The following RNF115 variants were observed in gnomAD, a reference collection of about 807,000 sequenced individuals.
The protein encoded by RNF115 is E3 ubiquitin-protein ligase RNF115.
A neutral mutation model predicts 39.2 loss-of-function variants in RNF115; 31 were observed. The ratio of observed to expected loss-of-function variants is 0.79; its 90% CI spans 0.59 to 1.07. The LOEUF (loss-of-function observed/expected upper bound fraction) is 1.07. Among genes scored for constraint, RNF115 ranks in the 50% least tolerant of loss-of-function variants. The probability of loss-of-function intolerance (pLI) is 0.00; values close to 1 mark genes in which losing one functional copy is unlikely to be tolerated. For synonymous variants in RNF115, 124 were observed against 131.0 expected, an observed-to-expected ratio of 0.95 and a Z score of 0.37; for missense variants, 384 against 381.7, an observed-to-expected ratio of 1.01 and a Z score of -0.05.
chr1:145,793,139 T>TG (rs1648754861), intron 1 of RNF115, among the ~76,000 whole-genome samples: 1 of 152,168 alleles, frequency 6.6e-6, no homozygotes, highest in African/African-American at 2.4e-5. Context: ...GGCAACATAG[T>TG]GAGACCTTGT....
chr1:145,762,030 C>A (rs587717522), intron 4 of RNF115, among the ~76,000 whole-genome samples: 5 of 152,290 alleles, frequency 3.3e-5, no homozygotes, highest in African/African-American at 1.2e-4. Flanking sequence ...ATGCATGGGA[C>A]CTGTAACCCC....
Position 145,748,045 on chromosome 1 carries a change from G to A in RNF115, c.733C>T (p.Pro245Ser), listed in dbSNP as rs1553711991. ...YTVEEEVRQL[P>S]CNHFFHSSCI... ...CTGCTGTGAAAGAAGTGATTGCAAG[G>A]TAACTGCCGGACTTCCTCTTCAACT... is the stretch of plus-strand genomic sequence containing the variant. The change falls in exon 8 of 9, where the codon CCT (proline) becomes TCT (serine). Residue 245 changes from proline (P) to serine (S), a missense_variant. Pro to Ser is a moderately conservative substitution (Grantham distance 74). Transcript: ENST00000582693. 6.2e-7 allele frequency: 1 copy of A among 1,613,900 alleles called. No individual in the cohort carries two copies. The highest frequency in any genetic ancestry group is 1.1e-5 in the South Asian group (1 of 91,074).
intron 1 of RNF115, among the ~76,000 whole-genome samples, chr1:145,791,686 C>G (rs1466062049): frequency 6.6e-6 from 1 of 152,080 alleles, no homozygotes; most frequent in Non-Finnish European, 1.5e-5. Context: ...TTCAAATAAC[C>G]AAAACAATTC....
chr1:145,752,398 A>G (rs1373628467), intron 5 of RNF115, among the ~76,000 whole-genome samples: 1 of 152,026 alleles, frequency 6.6e-6, no homozygotes, highest in Non-Finnish European at 1.5e-5. Flanking sequence ...CTCTACCTCA[A>G]TACAACTCTC....
chr1:145,820,375 G>A (rs1471329223), intron 1 of RNF115, among the ~76,000 whole-genome samples: 3 of 151,798 alleles, frequency 2.0e-5, no homozygotes, highest in African/African-American at 4.8e-5. Flanking sequence ...TATAGTGGGA[G>A]GACACATTGA....
rs587770998 is a variant in RNF115 at position 145,789,812 on chromosome 1, T to A, written c.103-846A>T. 2.0e-5 allele frequency among the ~76,000 whole-genome samples: 3 copies of A among 149,526 alleles called. No homozygotes were observed. In the South Asian group the frequency reaches 6.3e-4, roughly 32 times the overall value. On this transcript the variant is annotated intron_variant, in intron 1 of 8. Transcript: ENST00000582693. ...GCAACCTCCACCTCCTGGGTTTAAG[T>A]GATTCTCCTGCCTCAGCCTCCCAGG...
chr1:145,803,233 A>G (rs1301558658), intron 1 of RNF115, among the ~76,000 whole-genome samples: 1 of 143,978 alleles, frequency 6.9e-6, no homozygotes. Flanking sequence ...AGTTTACTAA[A>G]AAGGAAAACA....
At chr1:145,776,159 C>A (rs942300595) in intron 3 of RNF115, among the ~76,000 whole-genome samples, 10 of 141,980 alleles carry the variant, frequency 7.0e-5, no homozygotes, top group African/African-American at 2.7e-4. Context: ...CCTACTCTGA[C>A]CAACATTTTT....
chr1:145,747,133 C>T, intron 8 of RNF115, 136 bp from the exon 9 acceptor site: 2 of 867,000 alleles, frequency 2.3e-6, no homozygotes. Context: ...AATGCATCCT[C>T]ATAGAGCATG....
At chr1:145,795,855 A>C (rs782330886) in intron 1 of RNF115, among the ~76,000 whole-genome samples, 1 of 152,204 alleles carries the variant, frequency 6.6e-6, no homozygotes, top group Non-Finnish European at 1.5e-5. Flanking sequence ...ATTATTCTTG[A>C]TAAAAGTAGC....
intron 1 of RNF115, among the ~76,000 whole-genome samples, chr1:145,812,537 A>G (rs1649776832): frequency 6.6e-6 from 1 of 151,590 alleles, no homozygotes. Flanking sequence ...GCGCACACCC[A>G]TAATCTCAGT....
intron 1 of RNF115, among the ~76,000 whole-genome samples, chr1:145,822,253 G>A (rs1380405084): frequency 9.4e-4 from 143 of 151,564 alleles, no homozygotes; most frequent in African/African-American, 3.0e-3. Context: ...TCTTGAACCC[G>A]GCAGGTGGAG....
chr1:145,778,293 C>T (rs77421845), intron 3 of RNF115, among the ~76,000 whole-genome samples: 3,537 of 152,172 alleles, frequency 0.023, 51 homozygotes, highest in Non-Finnish European at 0.035. Context: ...TCCATAGAGA[C>T]AGAAAATAGA....
intron 3 of RNF115, among the ~76,000 whole-genome samples, chr1:145,774,221 A>G (rs1316512631): frequency 6.6e-6 from 1 of 151,640 alleles, no homozygotes; most frequent in African/African-American, 2.4e-5. Context: ...GCTTTCCCTG[A>G]TACGAATATA....
chr1:145,754,351 G>GTTTT (rs57910583), intron 4 of RNF115, among the ~76,000 whole-genome samples: 1 of 150,444 alleles, frequency 6.6e-6, no homozygotes, highest in Non-Finnish European at 1.5e-5. Flanking sequence ...AACACTGGTT[G>GTTTT]TTTTTTTTTT....
intron 4 of RNF115, among the ~76,000 whole-genome samples, chr1:145,770,528 T>A (rs1328342046): frequency 6.6e-6 from 1 of 152,214 alleles, no homozygotes; most frequent in Non-Finnish European, 1.5e-5. Flanking sequence ...TGAGTTTTAT[T>A]AACTTTTGGT....
intron 2 of RNF115, among the ~76,000 whole-genome samples, chr1:145,785,337 G>C (rs1445232293): frequency 1.3e-5 from 2 of 152,178 alleles, no homozygotes; most frequent in Non-Finnish European, 2.9e-5. Flanking sequence ...TTAAGTGTCA[G>C]ACATTACACA....
chr1:145,811,883 C>CAAAAAAAAAAAA (rs67086842), intron 1 of RNF115, among the ~76,000 whole-genome samples: 33 of 35,854 alleles, frequency 9.2e-4, no homozygotes, highest in Non-Finnish European at 1.7e-3. Context: ...TTCTGTCTCA[C>CAAAAAAAAAAAA]AAAAAAAAAA....
In RNF115 at chr1:145,739,044, GGAA is replaced by G. The variant is rs1247198097; in HGVS notation, c.*7819_*7821del. On this transcript the variant is annotated 3_prime_UTR_variant, in exon 9 of 9. Coordinates refer to ENST00000582693, the MANE Select transcript of RNF115 (RefSeq NM_014455.4). Reference sequence around the variant, plus strand: ...TCCATACAGCACTGCTGGAGGAAGAGGAAGATTTGTGCAGACCAAGAGCACCAC... The same window carrying G: ...TCCATACAGCACTGCTGGAGGAAGAGGATTTGTGCAGACCAAGAGCACCAC... The G allele has an allele frequency of 1.3e-5, 2 of 153,314 alleles. No individual in the cohort carries two copies. Among genetic ancestry groups the G allele is most frequent in the African/African-American group, 4.8e-5 (2 of 41,656 alleles). 9.5% of individuals were successfully genotyped at this position (153,314 alleles called of 1,614,324 possible). A position where few individuals can be genotyped will look rare whatever the true frequency, so the allele number is the denominator to read the frequency against.
Sources: allele counts gnomAD v4.1 joint callset (sites outside exome capture counted in the v4.1 genomes callset), GRCh38; gene constraint gnomAD v4.1.1; transcripts MANE v1.5; gene names NCBI Gene and HGNC (gene_info 2026-07-23, HGNC 2026-07-21).